The following CLEC16A variants were observed in gnomAD, a reference collection of about 807,000 sequenced individuals.
CLEC16A encodes the protein C-type lectin domain containing 16A, also known as protein CLEC16A.
CLEC16A carries 51 observed loss-of-function variants against 109.5 expected under a neutral mutation model. The observed-to-expected ratio is 0.47, with a 90% CI of 0.37 to 0.59. The LOEUF (loss-of-function observed/expected upper bound fraction) is 0.59, where lower values mean the gene tolerates loss of function less well. Ranked by LOEUF, CLEC16A falls within the 20% of genes least tolerant of loss-of-function variation. CLEC16A has a pLI of 0.00. For missense variants in CLEC16A, 1,339 were observed against 1,394.0 expected, an observed-to-expected ratio of 0.96 and a Z score of 0.63; for synonymous variants, 673 against 564.2, an observed-to-expected ratio of 1.19 and a Z score of -2.73.
intron 11 of CLEC16A, among the ~76,000 whole-genome samples, chr16:11,013,426 T>G (rs554983575): frequency 2.0e-5 from 3 of 151,786 alleles, no homozygotes; most frequent in Non-Finnish European, 2.9e-5. Context: ...ATCAGGAGTT[T>G]GAGACCAGCC....
chr16:10,964,352 G>A (rs1359333634), intron 3 of CLEC16A, among the ~76,000 whole-genome samples: 1 of 152,250 alleles, frequency 6.6e-6, no homozygotes, highest in African/African-American at 2.4e-5. Flanking sequence ...GCTCTGAGGG[G>A]AAGATCCAGC....
chr16:10,950,931 C>T (rs2041698088), intron 1 of CLEC16A, among the ~76,000 whole-genome samples: 1 of 152,226 alleles, frequency 6.6e-6, no homozygotes, highest in South Asian at 2.1e-4. Flanking sequence ...TCCTAATAAG[C>T]TCATTATGGT....
intron 1 of CLEC16A, among the ~76,000 whole-genome samples, chr16:10,955,381 T>C (rs2041938095): frequency 6.6e-6 from 1 of 152,122 alleles, no homozygotes; most frequent in African/African-American, 2.4e-5. Flanking sequence ...CTTGAGGAGC[T>C]CAGGTCTAGT....
At chr16:11,053,952 C>G (rs1209098454) in intron 18 of CLEC16A, among the ~76,000 whole-genome samples, 2 of 152,220 alleles carry the variant, frequency 1.3e-5, no homozygotes, top group Non-Finnish European at 2.9e-5. Context: ...GGCCATTATT[C>G]AAGCAGCATT....
chr16:10,987,031 T>C (rs1367867598), intron 10 of CLEC16A, among the ~76,000 whole-genome samples: 1 of 151,992 alleles, frequency 6.6e-6, no homozygotes, highest in Non-Finnish European at 1.5e-5. Flanking sequence ...TTTGTTTGTA[T>C]TTTTAGTAGA....
In CLEC16A at chr16:11,120,683, G is replaced by A. The variant is rs1399434894; in HGVS notation, c.2185G>A (p.Val729Met). Residue 729 changes from valine to methionine, a missense_variant, in exon 20 of 24, where the codon GTG (valine) becomes ATG (methionine). By Grantham distance (21) the Val-to-Met change is conservative (BLOSUM62 1). Around this residue, in one of 3 missense-constraint regions of CLEC16A, gnomAD observed 1,061 missense variants for 1,006.8 expected, o/e 1.05. Transcript: ENST00000409790. ...DGGMVQRFLA[V>M]DIYQMSLVEP... ...CGGCATGGTCCAGCGATTCCTGGCT[G>A]TGGATATTTACCAGATGAGTTTGGT... 1 of 1,612,558 alleles carries A rather than the reference G, an allele frequency of 6.2e-7. No homozygotes were observed. The highest frequency in any genetic ancestry group is 1.3e-5 in the African/African-American group (1 of 74,904).
intron 22 of CLEC16A, chr16:11,136,001 T>C (rs1271251090): frequency 6.6e-6 from 1 of 152,324 alleles, no homozygotes; most frequent in African/African-American, 2.4e-5. Flanking sequence ...AGGGTGTCCA[T>C]GATCAATCCC....
intron 15 of CLEC16A, among the ~76,000 whole-genome samples, chr16:11,042,976 A>C (rs982953222): frequency 6.6e-6 from 1 of 151,364 alleles, no homozygotes; most frequent in Non-Finnish European, 1.5e-5. Context: ...TTACATATGT[A>C]ATATGTAAAT....
At chr16:11,157,953 G>T (rs1250763779) in intron 22 of CLEC16A, among the ~76,000 whole-genome samples, 10 of 152,134 alleles carry the variant, frequency 6.6e-5, no homozygotes, top group African/African-American at 2.4e-4. Flanking sequence ...GAACAAGAAG[G>T]TTCTATGTCA....
At chr16:11,158,539 C>G (rs146031685) in intron 22 of CLEC16A, among the ~76,000 whole-genome samples, 212 of 152,274 alleles carry the variant, frequency 1.4e-3, no homozygotes, top group African/African-American at 5.0e-3. Context: ...ATTTAAATGT[C>G]TTAGTCTCAT....
At chr16:11,079,219 A>C (rs140607132) in intron 19 of CLEC16A, among the ~76,000 whole-genome samples, 143 of 152,264 alleles carry the variant, frequency 9.4e-4, no homozygotes, top group African/African-American at 3.2e-3. Flanking sequence ...AGCCATCCCT[A>C]TCTCTTGTGG....
At chr16:11,110,513 C>T (rs142271980) in intron 19 of CLEC16A, among the ~76,000 whole-genome samples, 1 of 150,728 alleles carries the variant, frequency 6.6e-6, no homozygotes, top group East Asian at 1.9e-4. Context: ...TTCATTTTCT[C>T]CCTCTGAAGA....
chr16:11,043,070 G>GTA (rs1167295742), intron 15 of CLEC16A, among the ~76,000 whole-genome samples: 15 of 132,842 alleles, frequency 1.1e-4, no homozygotes, highest in Non-Finnish European at 1.1e-4. Context: ...ATATGTTTGT[G>GTA]TATATATATA....
intron 6 of CLEC16A, 65 bp downstream of exon 6, chr16:10,972,624 A>G (rs1289005638): frequency 2.8e-6 from 4 of 1,441,748 alleles, no homozygotes; most frequent in Admixed American, 1.8e-5. Context: ...ACCTTGCTTG[A>G]GAATGGTGTA....
intron 22 of CLEC16A, among the ~76,000 whole-genome samples, chr16:11,130,419 G>C (rs1162144710): frequency 2.0e-5 from 3 of 152,188 alleles, no homozygotes; most frequent in Non-Finnish European, 4.4e-5. Flanking sequence ...ACCTTAAGCA[G>C]CATCCCTCGG....
intron 19 of CLEC16A, among the ~76,000 whole-genome samples, chr16:11,095,566 C>G (rs779234728): frequency 5.9e-5 from 9 of 152,182 alleles, no homozygotes; most frequent in Admixed American, 4.6e-4. Flanking sequence ...AATCCCAACA[C>G]TTTGGGAGGC....
chr16:11,117,230 GAAA>G lies in CLEC16A; in HGVS notation c.2117-3380_2117-3378del, dbSNP rs55931734. On this transcript the variant is annotated intron_variant, in intron 19 of 23. Coordinates refer to ENST00000409790, the MANE Select transcript of CLEC16A (RefSeq NM_015226.3). ...CTGTTGGGTACTATGCTCAAAAAAA[GAAA>G]AAAATTACTAAAACTCAAACCGTAT... Among the ~76,000 whole-genome samples the G allele has an allele frequency of 1.7e-4, 26 of 152,122 alleles. No homozygotes were observed. The South Asian group carries it at 5.4e-3, about 32-fold the overall frequency.
intron 23 of CLEC16A, among the ~76,000 whole-genome samples, chr16:11,175,418 A>G (rs1247769125): frequency 6.6e-6 from 1 of 152,238 alleles, no homozygotes; most frequent in Non-Finnish European, 1.5e-5. Context: ...TTGTGGCCCT[A>G]GAGTTCAAAA....
At chr16:11,038,273 C>A (rs971308936) in intron 13 of CLEC16A, among the ~76,000 whole-genome samples, 1 of 152,172 alleles carries the variant, frequency 6.6e-6, no homozygotes, top group Non-Finnish European at 1.5e-5. Context: ...CTAAATGAAG[C>A]GTCATCTGGT....
Sources: allele counts gnomAD v4.1 joint callset (sites outside exome capture counted in the v4.1 genomes callset), GRCh38; gene constraint gnomAD v4.1.1; regional missense constraint gnomAD v4.1.1; transcripts MANE v1.5; gene names NCBI Gene and HGNC (gene_info 2026-07-23, HGNC 2026-07-21).